Variants in PTPRD observed in about 807,000 individuals in gnomAD.
PTPRD encodes receptor-type tyrosine-protein phosphatase delta.
Under a neutral mutation model 214.5 loss-of-function variants are expected in PTPRD, and 34 were observed. The observed-to-expected ratio is 0.16, with a 90% confidence interval of 0.12 to 0.21. PTPRD has a LOEUF of 0.21. PTPRD is among the 10% of genes least tolerant of loss of function. PTPRD has a pLI of 1.00. For synonymous variants in PTPRD, 1,128 were observed against 845.7 expected (o/e 1.33, Z -5.79); for missense variants, 2,545 against 2,398.7 (o/e 1.06, Z -1.27).
At chr9:10,555,007 T>TA (rs1432902165) in intron 2 of PTPRD, among the ~76,000 whole-genome samples, 1 of 152,234 alleles carries the variant, frequency 6.6e-6, no homozygotes, top group African/African-American at 2.4e-5. Context: ...AAGAATGTGT[T>TA]AGAGTAGTGA....
At chr9:8,898,987 A>T (rs1408782029) in intron 11 of PTPRD, among the ~76,000 whole-genome samples, 1 of 152,334 alleles carries the variant, frequency 6.6e-6, no homozygotes, top group East Asian at 1.9e-4. Context: ...GTATTTTAAT[A>T]AAAGTGACTT....
intron 3 of PTPRD, among the ~76,000 whole-genome samples, chr9:10,115,919 A>G (rs1591557284): frequency 1.3e-5 from 2 of 152,102 alleles, no homozygotes; most frequent in East Asian, 3.9e-4. Context: ...TTTGGCATGT[A>G]TGACTTAGAA....
At chr9:9,014,244 A>G (rs2099524949) in intron 11 of PTPRD, among the ~76,000 whole-genome samples, 1 of 149,888 alleles carries the variant, frequency 6.7e-6, no homozygotes, top group Non-Finnish European at 1.5e-5. Flanking sequence ...TTCATGAGCA[A>G]AGCTGATATC....
At chr9:9,152,527 A>C (rs542018960) in intron 10 of PTPRD, among the ~76,000 whole-genome samples, 62 of 152,268 alleles carry the variant, frequency 4.1e-4, no homozygotes, top group Non-Finnish European at 5.1e-4. Context: ...AATGGTAAAG[A>C]CAAATATGTA....
intron 3 of PTPRD, among the ~76,000 whole-genome samples, chr9:10,285,906 C>A (rs1416579799): frequency 6.6e-6 from 1 of 151,932 alleles, no homozygotes; most frequent in Non-Finnish European, 1.5e-5. Context: ...CTGTGCCCGG[C>A]CGGGGTCTCA....
chr9:10,350,220 T>A (rs1388093347), intron 2 of PTPRD, among the ~76,000 whole-genome samples: 2 of 152,148 alleles, frequency 1.3e-5, no homozygotes, highest in African/African-American at 4.8e-5. Flanking sequence ...AGTTTTTAAA[T>A]GTTTCAGGCA....
chr9:8,830,115 A>T (rs2097258628), intron 11 of PTPRD, among the ~76,000 whole-genome samples: 1 of 152,146 alleles, frequency 6.6e-6, no homozygotes, highest in South Asian at 2.1e-4. Flanking sequence ...TGTTTTAAGC[A>T]TCACTATAGC....
intron 11 of PTPRD, among the ~76,000 whole-genome samples, chr9:9,014,197 TTG>T (rs1491304554): frequency 0.033 from 4,489 of 134,174 alleles, 97 homozygotes; most frequent in African/African-American, 0.062. Context: ...GTTTGTTTGT[TTG>T]TTTTTTTTTT....
rs532127152 is a variant in PTPRD, at chr9:9,074,322, G to C, written c.-142-55587C>G. ...AGGAGTAGCACAGGGTATAAAACAA[G>C]TAAAACACAATTTGTAAAAATGATC... is the stretch of plus-strand genomic sequence containing the variant. On this transcript the variant is annotated intron_variant, in intron 10 of 45. Coordinates refer to ENST00000381196, the MANE Select transcript of PTPRD (RefSeq NM_002839.4). Among the ~76,000 whole-genome samples, 8 of 152,154 alleles carry C rather than the reference G, an allele frequency of 5.3e-5. No individual in the cohort carries two copies. In the South Asian group the frequency reaches 1.7e-3, roughly 32 times the overall value.
chr9:10,506,198 C>T (rs833420), intron 2 of PTPRD, among the ~76,000 whole-genome samples: 145,724 of 151,488 alleles, frequency 0.96, 70,013 homozygotes, highest in East Asian at 1. Context: ...AGCTTCAAGA[C>T]TTTTTTTATC....
intron 44 of PTPRD, among the ~76,000 whole-genome samples, chr9:8,330,875 A>G (rs1454962502): frequency 2.0e-5 from 3 of 152,162 alleles, no homozygotes; most frequent in African/African-American, 7.2e-5. Context: ...ATTAGATGTC[A>G]AGTTGCCAGA....
Position 10,303,827 on chromosome 9 carries a change from C to T in PTPRD, c.-545+37136G>A, listed in dbSNP as rs935066160. Reference sequence around the variant, plus strand: ...AGATGGATTCACAGCCAAATTCTACCAGAGGTTCAAAGAGGAGCTGGTACC... The same window carrying T: ...AGATGGATTCACAGCCAAATTCTACTAGAGGTTCAAAGAGGAGCTGGTACC... On this transcript the variant is annotated intron_variant, in intron 3 of 45. Transcript: ENST00000381196. Among the ~76,000 whole-genome samples the T allele has an allele frequency of 3.9e-4, 60 of 152,244 alleles. 1 individual carries two copies. Among genetic ancestry groups the T allele is most frequent in the African/African-American group, 1.4e-3 (58 of 41,532 alleles).
intron 9 of PTPRD, among the ~76,000 whole-genome samples, chr9:9,311,580 G>C (rs1248894074): frequency 6.6e-6 from 1 of 152,058 alleles, no homozygotes; most frequent in Non-Finnish European, 1.5e-5. Flanking sequence ...TTATCATTTT[G>C]CTTAAGGAGA....
chr9:9,127,261 G>A (rs371329298), intron 10 of PTPRD, among the ~76,000 whole-genome samples: 20 of 152,284 alleles, frequency 1.3e-4, no homozygotes, highest in African/African-American at 4.8e-4. Context: ...CATAGACAGT[G>A]ACCCAGCTGG....
At chr9:10,546,191 T>A (rs76059795) in intron 2 of PTPRD, among the ~76,000 whole-genome samples, 1 of 150,288 alleles carries the variant, frequency 6.7e-6, no homozygotes, top group Non-Finnish European at 1.5e-5. Flanking sequence ...ACAAATTACA[T>A]GTGCATGTAT....
chr9:9,780,868 A>T (rs746071907), intron 5 of PTPRD, among the ~76,000 whole-genome samples: 1 of 152,240 alleles, frequency 6.6e-6, no homozygotes, highest in South Asian at 2.1e-4. Context: ...GATATCAACT[A>T]TCAAGCCAAG....
At chr9:8,355,693 C>T (rs560436568) in intron 39 of PTPRD, among the ~76,000 whole-genome samples, 2 of 152,088 alleles carry the variant, frequency 1.3e-5, no homozygotes, top group Non-Finnish European at 2.9e-5. Flanking sequence ...ATGCAGTGTA[C>T]CCCAGGCATA....
chr9:10,377,581 G>C (rs2097756116), intron 2 of PTPRD, among the ~76,000 whole-genome samples: 1 of 151,890 alleles, frequency 6.6e-6, no homozygotes, highest in African/African-American at 2.4e-5. Context: ...TGAGAATGGT[G>C]GTTTCCAGCT....
chr9:10,439,869 G>A (rs1305570689), intron 2 of PTPRD, among the ~76,000 whole-genome samples: 1 of 151,496 alleles, frequency 6.6e-6, no homozygotes, highest in South Asian at 2.1e-4. Flanking sequence ...CATTTACACT[G>A]TACTGTTTAT....
Sources: allele counts gnomAD v4.1 joint callset (sites outside exome capture counted in the v4.1 genomes callset), GRCh38; gene constraint gnomAD v4.1.1; transcripts MANE v1.5; gene names NCBI Gene and HGNC (gene_info 2026-07-23, HGNC 2026-07-21).